The following NUDT6 variants were observed in gnomAD, a reference collection of about 807,000 sequenced individuals.
The protein encoded by NUDT6 is FAD diphosphatase NUDT6.
In NUDT6, 24 loss-of-function variants were observed where a neutral mutation model predicts 36.8. That is an observed-to-expected ratio of 0.65 (90% confidence interval 0.47 to 0.92). NUDT6 has a LOEUF of 0.92. NUDT6 is among the 40% of genes least tolerant of loss of function. The pLI, the probability that NUDT6 is intolerant of heterozygous loss-of-function variation, is 0.00. For missense variants in NUDT6, 388 were observed against 392.8 expected (o/e 0.99, Z 0.10); for synonymous variants, 163 against 157.0 (o/e 1.04, Z -0.29).
At chr4:122,910,596 G>A (rs1727713838) in intron 3 of NUDT6, among the ~76,000 whole-genome samples, 3 of 152,046 alleles carry the variant, frequency 2.0e-5, no homozygotes, top group Non-Finnish European at 1.5e-5. Flanking sequence ...CTGAAACCCA[G>A]TGTGCTATTT....
At chr4:122,920,177 A>G (rs1279712933) in intron 1 of NUDT6, 2 of 152,178 alleles carry the variant, frequency 1.3e-5, no homozygotes, top group Admixed American at 6.5e-5. Context: ...TTCATGTGTA[A>G]ATAGTCTCTC....
At chr4:122,916,544 C>T (rs1272212704) in intron 2 of NUDT6, among the ~76,000 whole-genome samples, 2 of 152,064 alleles carry the variant, frequency 1.3e-5, no homozygotes, top group South Asian at 4.2e-4. Flanking sequence ...TTCCCTGATC[C>T]CAATTCAGTG....
chr4:122,917,675 T>G lies in NUDT6; in HGVS notation c.268A>C (p.Arg90=). The G allele has an allele frequency of 3.7e-6, 6 of 1,614,196 alleles. No individual in the cohort carries two copies. The highest frequency in any genetic ancestry group is 5.1e-6 in the Non-Finnish European group (6 of 1,180,012). The change falls in exon 2 of 5, where the codon AGA becomes CGA. Residue 90 remains arginine, a synonymous_variant. Coordinates refer to ENST00000304430, the MANE Select transcript of NUDT6 (RefSeq NM_007083.5). ...GGAATGTGCAGCCATACAGCTGTTC[T>G]ACCTTCTGATCGCCATTGCTGTACT... ...AAVQQWRSEG[R]TAVWLHIPIL... is the part of the protein sequence containing the mutation.
chr4:122,915,469 CAAAAAAAAAAAAAAA>C (rs61032259), intron 2 of NUDT6, among the ~76,000 whole-genome samples: 1 of 42,250 alleles, frequency 2.4e-5, no homozygotes, highest in African/African-American at 6.6e-5. Flanking sequence ...GACCCTGCCT[CAAAAAAAAAAAAAAA>C]AAAAAAAAAA....
At chr4:122,901,128 G>A (rs1399787743) in intron 3 of NUDT6, among the ~76,000 whole-genome samples, 1 of 152,014 alleles carries the variant, frequency 6.6e-6, no homozygotes, top group Non-Finnish European at 1.5e-5. Flanking sequence ...ATGCTCTTGT[G>A]CTTAGCTGCT....
chr4:122,917,506 A>T lies in NUDT6; in HGVS notation c.437T>A (p.Val146Asp). The change falls in exon 2 of 5, where the codon GTT becomes GAT. Residue 146 changes from valine (V) to aspartate (D), a missense_variant. Physicochemically the swap from Val to Asp is radical, Grantham distance 152 (BLOSUM62 -3). Coordinates refer to ENST00000304430, the MANE Select transcript of NUDT6 (RefSeq NM_007083.5). ...ATCATGAGTTTGAAACTGACCTGCA[A>T]CTCCTACTTGATGTGAAGCATATCC... ...LPGYASHQVG[V>D]AGAVFDESTR... The T allele has an allele frequency of 6.2e-7, 1 of 1,613,776 alleles. No homozygotes were observed. The highest frequency in any genetic ancestry group is 1.1e-5 in the South Asian group (1 of 91,064).
At chr4:122,915,486 A>AAAAAAAAC (rs1560773921) in intron 2 of NUDT6, among the ~76,000 whole-genome samples, 22 of 146,806 alleles carry the variant, frequency 1.5e-4, no homozygotes, top group African/African-American at 4.9e-4. Context: ...AAAAAAAAAA[A>AAAAAAAAC]AAAAAAAAAA....
At chr4:122,899,378 T>C (rs1727463066) in intron 3 of NUDT6, among the ~76,000 whole-genome samples, 1 of 151,674 alleles carries the variant, frequency 6.6e-6, no homozygotes, top group Non-Finnish European at 1.5e-5. Flanking sequence ...ATTTTGACTA[T>C]TTCATAAACC....
Position 122,922,334 on chromosome 4 carries a change from C to T in NUDT6, c.238+1G>A, listed in dbSNP as rs930051567. On this transcript the variant is annotated splice_donor_variant, in intron 1 of 4. Coordinates refer to ENST00000304430, the MANE Select transcript of NUDT6 (RefSeq NM_007083.5). LOFTEE classifies it high-confidence loss of function. ...GAGCCCTTCGTCCCAGGCGCACTTG[C>T]CCTGCAAGCCCTTCTGGAAGGCGGC... 1.9e-6 allele frequency: 3 copies of T among 1,597,540 alleles called. No homozygotes were observed. Among genetic ancestry groups the T allele is most frequent in the South Asian group, 1.1e-5 (1 of 90,150 alleles).
At chr4:122,918,807 CTT>C (rs1227339558) in intron 1 of NUDT6, 13 of 152,310 alleles carry the variant, frequency 8.5e-5, no homozygotes, top group Admixed American at 3.3e-4. Context: ...ACCTTGCTCT[CTT>C]TGTCTGATGA....
intron 3 of NUDT6, among the ~76,000 whole-genome samples, chr4:122,911,061 A>T (rs1727722816): frequency 6.6e-6 from 1 of 152,212 alleles, no homozygotes; most frequent in Non-Finnish European, 1.5e-5. Context: ...TAATCAATTT[A>T]TGTTACTTGT....
At chr4:122,922,712 G>C, upstream of NUDT6, 1 of 744,960 alleles carries the variant, frequency 1.3e-6, no homozygotes, top group Non-Finnish European at 2.1e-6. Context: ...GCTATGCCAA[G>C]GAGACCGCGA....
rs1578493937 is a variant in NUDT6 at position 122,905,517 on chromosome 4, C to T, written c.498+7051G>A. Among the ~76,000 whole-genome samples the T allele has an allele frequency of 2.6e-5, 4 of 152,248 alleles. No individual in the cohort carries two copies. In the South Asian group the frequency reaches 8.3e-4, roughly 32 times the overall value. On this transcript the variant is annotated intron_variant, in intron 3 of 4. Transcript: ENST00000304430. Reference sequence around the variant, plus strand: ...TGTGTGTATACATGTTACACAGAGACAGTCCCATTATTTGCTTACCCCTCT... The same window carrying T: ...TGTGTGTATACATGTTACACAGAGATAGTCCCATTATTTGCTTACCCCTCT...
chr4:122,907,881 A>C (rs1301234551), intron 3 of NUDT6, among the ~76,000 whole-genome samples: 1 of 152,010 alleles, frequency 6.6e-6, no homozygotes, highest in East Asian at 1.9e-4. Flanking sequence ...GTAGATCTCT[A>C]AGGTATGGGC....
At chr4:122,914,932 T>C (rs1727799486) in intron 2 of NUDT6, among the ~76,000 whole-genome samples, 1 of 152,054 alleles carries the variant, frequency 6.6e-6, no homozygotes, top group Non-Finnish European at 1.5e-5. Context: ...TTTCAGACTG[T>C]GATAAATGCC....
intron 3 of NUDT6, among the ~76,000 whole-genome samples, chr4:122,899,951 G>A (rs1413185811): frequency 6.6e-6 from 1 of 152,074 alleles, no homozygotes; most frequent in Admixed American, 6.5e-5. Flanking sequence ...CAGTAGCCAC[G>A]GCCCTGACAA....
chr4:122,895,593 C>T (rs1050991146), intron 4 of NUDT6: 3 of 152,104 alleles, frequency 2.0e-5, no homozygotes, highest in African/African-American at 4.8e-5. Context: ...AGTGGTAATA[C>T]GATTTTTTAA....
rs567873987 is a variant in NUDT6, at chr4:122,918,021, A to G, written c.239-317T>C. The stretch of plus-strand genomic sequence containing the variant: ...AGAGTGGACAAATAAAAGGATTTAA[A>G]CCGAATCAAATACCATTTGAATGCT... On this transcript the variant is annotated intron_variant, in intron 1 of 4. Transcript: ENST00000304430. 66 of 279,172 alleles carry G rather than the reference A, an allele frequency of 2.4e-4. 1 individual carries two copies. In the Admixed American group the frequency reaches 2.8e-3, roughly 12 times the overall value. 17.3% of individuals were successfully genotyped at this position (279,172 alleles called of 1,614,324 possible). A position where few individuals can be genotyped will look rare whatever the true frequency, so the allele number is the denominator to read the frequency against.
intron 1 of NUDT6, chr4:122,920,383 A>C (rs1372923973): frequency 6.6e-6 from 1 of 152,242 alleles, no homozygotes. Flanking sequence ...AGGAGGATTA[A>C]TTACTATTTA....
Sources: gnomAD v4.1 joint callset for allele counts (sites outside exome capture counted in the v4.1 genomes callset) on GRCh38, gnomAD v4.1.1 for gene constraint, MANE v1.5 for transcripts, NCBI Gene and HGNC (gene_info 2026-07-23, HGNC 2026-07-21) for gene names.